CNTN5: variants seen among roughly 807,000 people sequenced by gnomAD.
CNTN5 encodes the protein contactin 5, also known as contactin-5.
CNTN5 carries 77 observed loss-of-function variants against 129.1 expected under a neutral mutation model. That is an observed-to-expected ratio of 0.60 (90% CI 0.50 to 0.72). The LOEUF is 0.72. CNTN5 is among the 30% of genes least tolerant of loss of function. The pLI is 0.00. For missense variants in CNTN5, 1,478 were observed against 1,328.8 expected, an observed-to-expected ratio of 1.11 and a Z score of -1.75; for synonymous variants, 509 against 465.6, an observed-to-expected ratio of 1.09 and a Z score of -1.20.
chr11:99,426,642 T>G (rs1050740382), intron 2 of CNTN5, among the ~76,000 whole-genome samples: 3 of 152,184 alleles, frequency 2.0e-5, no homozygotes, highest in African/African-American at 7.2e-5. Flanking sequence ...GAATGTTTAA[T>G]TTATCGAAAA....
At chr11:100,116,859 T>G (rs1945856694) in intron 13 of CNTN5, among the ~76,000 whole-genome samples, 1 of 152,002 alleles carries the variant, frequency 6.6e-6, no homozygotes, top group Non-Finnish European at 1.5e-5. Flanking sequence ...CATTGGTATA[T>G]AGCAAAGTGA....
At chr11:99,338,486 G>T (rs1382604263) in intron 2 of CNTN5, among the ~76,000 whole-genome samples, 1 of 152,124 alleles carries the variant, frequency 6.6e-6, no homozygotes, top group African/African-American at 2.4e-5. Flanking sequence ...GCAGAGAACA[G>T]TTGTTCGTTT....
intron 1 of CNTN5, among the ~76,000 whole-genome samples, chr11:99,153,815 C>CTTTTTTTTTT (rs60782977): frequency 4.8e-5 from 5 of 103,342 alleles, no homozygotes; most frequent in Middle Eastern, 7.5e-3. Flanking sequence ...CTTTGAATGG[C>CTTTTTTTTTT]TTTTTTTTTT....
At chr11:99,334,199 G>A (rs1273795954) in intron 2 of CNTN5, among the ~76,000 whole-genome samples, 22 of 151,998 alleles carry the variant, frequency 1.4e-4, no homozygotes, top group Admixed American at 1.4e-3. Flanking sequence ...AAATTTTATT[G>A]TCTGGCTTCA....
chr11:99,646,485 G>A (rs75940511), intron 3 of CNTN5, among the ~76,000 whole-genome samples: 1,624 of 152,062 alleles, frequency 0.011, 37 homozygotes, highest in African/African-American at 0.036. Context: ...AAGGTAAGAT[G>A]GAAAAACTCA....
At chr11:99,454,779 A>T (rs948839128) in intron 2 of CNTN5, among the ~76,000 whole-genome samples, 1 of 152,282 alleles carries the variant, frequency 6.6e-6, no homozygotes, top group East Asian at 1.9e-4. Flanking sequence ...ATAAATTTTT[A>T]AAAATGTAAC....
At chr11:99,523,684 CAGA>C (rs1947371062) in intron 2 of CNTN5, among the ~76,000 whole-genome samples, 1 of 76,290 alleles carries the variant, frequency 1.3e-5, no homozygotes, top group African/African-American at 6.5e-5. Flanking sequence ...CAGAACAGAA[CAGA>C]ACAGAACAGA....
intron 2 of CNTN5, among the ~76,000 whole-genome samples, chr11:99,338,981 GTA>G (rs1555115078): frequency 6.4e-5 from 8 of 125,788 alleles, no homozygotes; most frequent in African/African-American, 1.7e-4. Flanking sequence ...GTGTGTGTGT[GTA>G]TATATATATA....
chr11:99,381,601 G>C (rs898767208), intron 2 of CNTN5, among the ~76,000 whole-genome samples: 5 of 152,082 alleles, frequency 3.3e-5, no homozygotes, highest in Admixed American at 3.3e-4. Flanking sequence ...CTTTCTCACA[G>C]TACTTTTTAT....
chr11:99,171,637 A>T (rs1861153705), intron 1 of CNTN5, among the ~76,000 whole-genome samples: 1 of 152,194 alleles, frequency 6.6e-6, no homozygotes, highest in South Asian at 2.1e-4. Context: ...CGAAAGAATT[A>T]CTAATGCCTA....
intron 16 of CNTN5, among the ~76,000 whole-genome samples, chr11:100,229,259 G>T (rs190822690): frequency 2.6e-4 from 39 of 152,242 alleles, no homozygotes; most frequent in African/African-American, 8.9e-4. Flanking sequence ...TTTGTTCGTT[G>T]TGTTGATGTA....
chr11:99,311,090 G>A (rs1027385944), intron 1 of CNTN5, among the ~76,000 whole-genome samples: 5 of 151,962 alleles, frequency 3.3e-5, no homozygotes, highest in African/African-American at 1.2e-4. Flanking sequence ...TACCACGCCC[G>A]GATAATTTTT....
intron 1 of CNTN5, among the ~76,000 whole-genome samples, chr11:99,121,609 C>G (rs1397920416): frequency 6.6e-6 from 1 of 152,208 alleles, no homozygotes; most frequent in Non-Finnish European, 1.5e-5. Context: ...GCCCACAACT[C>G]ACTGCAAAAT....
chr11:99,465,874 CTTTTTTTTT>C (rs35950728), intron 2 of CNTN5, among the ~76,000 whole-genome samples: 1 of 106,420 alleles, frequency 9.4e-6, no homozygotes, highest in African/African-American at 3.7e-5. Context: ...TGCCACACAC[CTTTTTTTTT>C]TTTTTTTTTT....
At chr11:100,208,402 G>A (rs1948958567) in intron 15 of CNTN5, among the ~76,000 whole-genome samples, 4 of 152,124 alleles carry the variant, frequency 2.6e-5, no homozygotes, top group African/African-American at 9.7e-5. Flanking sequence ...GCTGCTGGAG[G>A]AAGTGAGCCA....
chr11:99,153,311 T>C (rs1860164246), intron 1 of CNTN5, among the ~76,000 whole-genome samples: 1 of 152,186 alleles, frequency 6.6e-6, no homozygotes. Flanking sequence ...CCATATTTCT[T>C]AAAGGGTTTG....
intron 2 of CNTN5, among the ~76,000 whole-genome samples, chr11:99,370,496 A>G (rs1439270017): frequency 1.3e-5 from 2 of 152,216 alleles, no homozygotes; most frequent in African/African-American, 4.8e-5. Flanking sequence ...CCTTCAAAAG[A>G]TAAAGATTTG....
chr11:99,899,397 C>G (rs1949294171), intron 6 of CNTN5, among the ~76,000 whole-genome samples: 1 of 151,930 alleles, frequency 6.6e-6, no homozygotes, highest in African/African-American at 2.4e-5. Flanking sequence ...GAAGTATGTT[C>G]CATCTATGCT....
chr11:99,266,441 A>G (rs892927887), intron 1 of CNTN5, among the ~76,000 whole-genome samples: 2 of 151,936 alleles, frequency 1.3e-5, no homozygotes, highest in African/African-American at 4.8e-5. Context: ...TCTACAAAAG[A>G]TTTTTTAAAA....
Sources: gnomAD v4.1 joint callset for allele counts (sites outside exome capture counted in the v4.1 genomes callset) on GRCh38, gnomAD v4.1.1 for gene constraint, MANE v1.5 for transcripts, NCBI Gene and HGNC (gene_info 2026-07-23, HGNC 2026-07-21) for gene names.